The following RNPS1 variants were observed in gnomAD, a reference collection of about 807,000 sequenced individuals.
RNPS1 encodes the protein RNA-binding protein with serine-rich domain 1.
For synonymous variants in RNPS1, 147 were observed against 150.0 expected, an observed-to-expected ratio of 0.98 and a Z score of 0.15; for missense variants, 300 against 427.6, an observed-to-expected ratio of 0.70 and a Z score of 2.63.
intron 6 of RNPS1, chr16:2,258,420 C>T (rs2141553658): frequency 6.6e-6 from 1 of 152,326 alleles, no homozygotes; most frequent in Non-Finnish European, 1.5e-5. Context: ...GGTAATCACA[C>T]ACCCACTAAG....
rs1277477649 is a variant in RNPS1 at position 2,266,222 on chromosome 16, C to T, written c.-117-1462G>A. The stretch of plus-strand genomic sequence containing the variant: ...AATGCTGCTGAAAATACGTTCTGAC[C>T]CAAGAAAGAAAAGCACCTGGCTTTG... On this transcript the variant is annotated intron_variant, in intron 1 of 7. Transcript: ENST00000320225. 2.3e-5 allele frequency: 23 copies of T among 985,376 alleles called. No homozygotes were observed. In the South Asian group the frequency reaches 4.2e-4, roughly 18 times the overall value. The allele number at this position is 985,376 out of a possible 1,614,324, so 61.0% of individuals were successfully genotyped here. A position where few individuals can be genotyped will look rare whatever the true frequency, so the allele number is the denominator to read the frequency against.
chr16:2,263,341 A>G, intron 3 of RNPS1, 54 bp from the exon 4 acceptor site: 1 of 1,571,782 alleles, frequency 6.4e-7, no homozygotes, highest in East Asian at 2.2e-5. Context: ...CACAGTACAG[A>G]CGCCTCCTCC....
chr16:2,263,312 A>G (rs1381102369), intron 3 of RNPS1, 25 bp from the exon 4 acceptor site: 2 of 1,611,010 alleles, frequency 1.2e-6, no homozygotes, highest in Admixed American at 3.3e-5. Context: ...AGGGGTCACA[A>G]CCACCACACA....
chr16:2,266,025 A>G (rs1329474612), intron 1 of RNPS1: 36 of 754,792 alleles, frequency 4.8e-5, no homozygotes, highest in Non-Finnish European at 5.7e-5. Context: ...TTCTGCCTTC[A>G]GTATTTCTAG....
intron 6 of RNPS1, among the ~76,000 whole-genome samples, chr16:2,259,870 C>G (rs1333848403): frequency 6.6e-6 from 1 of 152,192 alleles, no homozygotes; most frequent in Non-Finnish European, 1.5e-5. Context: ...GCCTGGGCGA[C>G]AGAGCGAGAC....
intron 6 of RNPS1, among the ~76,000 whole-genome samples, chr16:2,260,730 G>A (rs934316756): frequency 6.6e-6 from 1 of 152,172 alleles, no homozygotes; most frequent in Non-Finnish European, 1.5e-5. Flanking sequence ...TATGGTTCTT[G>A]CTCCACTGTA....
chr16:2,253,743 T>A lies in RNPS1; in HGVS notation c.*221A>T, dbSNP rs140371928. ...TTAGAAACCGGAAACGGATGAGCTT[T>A]CTAGCCAGAAAACCGGAGGGAATCT... On this transcript the variant is annotated 3_prime_UTR_variant, in exon 8 of 8. Coordinates refer to ENST00000320225, the MANE Select transcript of RNPS1 (RefSeq NM_080594.4). The A allele has an allele frequency of 9.1e-6, 6 of 662,474 alleles. No homozygotes were observed. Among genetic ancestry groups the A allele is most frequent in the Middle Eastern group, 2.4e-4 (1 of 4,188 alleles). 41.0% of individuals were successfully genotyped at this position (662,474 alleles called of 1,614,324 possible).
At chr16:2,260,382 C>T (rs1055650732) in intron 6 of RNPS1, among the ~76,000 whole-genome samples, 3 of 152,106 alleles carry the variant, frequency 2.0e-5, no homozygotes, top group Admixed American at 2.0e-4. Context: ...TCTCAAACTC[C>T]TGACCTCAGG....
At position 2,263,283 on chromosome 16, in the gene RNPS1, G is replaced by C. The variant is rs1446048171; in HGVS notation, c.232C>G (p.Arg78Gly). 4 of 1,613,936 alleles carry C rather than the reference G, an allele frequency of 2.5e-6. No homozygotes were observed. The highest frequency in any genetic ancestry group is 1.7e-5 in the Admixed American group (1 of 60,008). Residue 78 changes from arginine to glycine, a missense_variant, in exon 4 of 8, where the codon CGG becomes GGG. Physicochemically the swap from Arg to Gly is moderately radical, Grantham distance 125 (BLOSUM62 -2). Transcript: ENST00000320225. The part of the protein sequence containing the change: ...ASSGSSSTRS[R>G]SSSTSSSGSS... Reference sequence around the variant, plus strand: ...CCTGAGCTGGAAGTCGAGCTGGACCGAGACCTGAGGGCAAGATGAGGGGTC... The same window carrying C: ...CCTGAGCTGGAAGTCGAGCTGGACCCAGACCTGAGGGCAAGATGAGGGGTC...
rs2093574893 is a variant in RNPS1 at position 2,255,650 on chromosome 16, G to A, written c.753C>T (p.Ser251=). ...PWPRPPPRRF[S]PPRRMLPPPP... ...GTGGTGGCAACATTCTCCTGGGAGG[G>A]CTGAATCTCCTGGGGGGTGGCCTAG... The change falls in exon 7 of 8, where the codon AGC becomes AGT. Residue 251 remains serine, a synonymous_variant. Coordinates refer to ENST00000320225, the MANE Select transcript of RNPS1 (RefSeq NM_080594.4). 2.5e-6 allele frequency: 4 copies of A among 1,612,266 alleles called. No homozygotes were observed. Among genetic ancestry groups the A allele is most frequent in the Non-Finnish European group, 3.4e-6 (4 of 1,179,152 alleles).
chr16:2,258,970 A>G (rs1389566272), intron 6 of RNPS1, among the ~76,000 whole-genome samples: 1 of 151,882 alleles, frequency 6.6e-6, no homozygotes, highest in African/African-American at 2.4e-5. Flanking sequence ...TAAAAATACA[A>G]AAATTAGCTG....
At chr16:2,265,697 C>T (rs1449795007) in intron 1 of RNPS1, 1 of 152,164 alleles carries the variant, frequency 6.6e-6, no homozygotes, top group Non-Finnish European at 1.5e-5. Flanking sequence ...ATTGACCAGG[C>T]TGGTCTCCAA....
At chr16:2,266,492 C>T (rs2093625720) in intron 1 of RNPS1, 1 of 950,262 alleles carries the variant, frequency 1.1e-6, no homozygotes, top group Non-Finnish European at 1.3e-6. Flanking sequence ...TATCCTTTCT[C>T]AAGTTTCTCA....
At chr16:2,264,883 C>T in intron 1 of RNPS1, 123 bp from the exon 2 acceptor site, 2 of 634,746 alleles carry the variant, frequency 3.2e-6, no homozygotes, top group South Asian at 2.1e-5. Flanking sequence ...TAAGTGTCCA[C>T]ACAGTCAGGA....
intron 1 of RNPS1, chr16:2,265,294 C>G (rs2093620574): frequency 6.6e-6 from 1 of 152,184 alleles, no homozygotes; most frequent in African/African-American, 2.4e-5. Flanking sequence ...ATATGAACAT[C>G]TAAAAAGCAG....
chr16:2,257,198 C>T (rs957523633), intron 6 of RNPS1: 4 of 152,296 alleles, frequency 2.6e-5, no homozygotes, highest in South Asian at 2.1e-4. Context: ...GCATGCACCC[C>T]GACCTCAAGA....
chr16:2,255,055 A>G (rs1409722770), intron 7 of RNPS1, among the ~76,000 whole-genome samples: 1 of 152,086 alleles, frequency 6.6e-6, no homozygotes, highest in Non-Finnish European at 1.5e-5. Flanking sequence ...ACTTTTTAAT[A>G]CTAGAAGTTG....
Position 2,263,184 on chromosome 16 carries a change from T to C in RNPS1, c.331A>G (p.Thr111Ala). 1 of 1,613,528 alleles carries C rather than the reference T, an allele frequency of 6.2e-7. No individual in the cohort carries two copies. The highest frequency in any genetic ancestry group is 8.5e-7 in the Non-Finnish European group (1 of 1,179,834). Residue 111 changes from threonine (T) to alanine (A), a missense_variant, in exon 4 of 8, where the codon ACC becomes GCC. By Grantham distance (58) the Thr-to-Ala change is moderately conservative. Coordinates refer to ENST00000320225, the MANE Select transcript of RNPS1 (RefSeq NM_080594.4). ...SASSRSGSSS[T>A]SRSSSSSSSS... ...CTGCTAGAGCTGGAGCTGCGGGAGGTGCTGGAGCTTCCTGAGCGGCTGGAT... is the reference window on the plus strand; with the variant it reads ...CTGCTAGAGCTGGAGCTGCGGGAGGCGCTGGAGCTTCCTGAGCGGCTGGAT...
Position 2,264,765 on chromosome 16 carries a change from T to C in RNPS1, c.-117-5A>G, listed in dbSNP as rs2141585183. ...CAATTTACGCCAAAGAGCAGCCTAA[T>C]AACAAGATAAAAGGGTTTAAAGAGT... On this transcript the variant is annotated splice_polypyrimidine_tract_variant and splice_region_variant and intron_variant, in intron 1 of 7. Transcript: ENST00000320225. 3.9e-6 allele frequency: 6 copies of C among 1,530,736 alleles called. No individual in the cohort carries two copies. Among genetic ancestry groups the C allele is most frequent in the Non-Finnish European group, 5.2e-6 (6 of 1,146,638 alleles). 94.8% of individuals were successfully genotyped at this position (1,530,736 alleles called of 1,614,324 possible).
Sources: gnomAD v4.1 joint callset for allele counts (sites outside exome capture counted in the v4.1 genomes callset) on GRCh38, gnomAD v4.1.1 for gene constraint, MANE v1.5 for transcripts, NCBI Gene and HGNC (gene_info 2026-07-23, HGNC 2026-07-21) for gene names.